SMYD1: variants seen among roughly 807,000 people sequenced by gnomAD.
SMYD1 encodes the protein histone-lysine N-methyltransferase SMYD1.
A neutral mutation model predicts 54.0 loss-of-function variants in SMYD1; 49 were observed. That is an observed-to-expected ratio of 0.91 (90% CI 0.72 to 1.15). The LOEUF is 1.15. Ranked by LOEUF, SMYD1 falls within the 50% of genes most tolerant of loss-of-function variation. SMYD1 has a pLI of 0.00. For synonymous variants in SMYD1, 269 were observed against 234.2 expected, an observed-to-expected ratio of 1.15 and a Z score of -1.36; for missense variants, 653 against 639.6, an observed-to-expected ratio of 1.02 and a Z score of -0.23.
Position 88,088,064 on chromosome 2 carries a change from A to G in SMYD1, c.517A>G (p.Ile173Val), listed in dbSNP as rs1674380945. Residue 173 changes from isoleucine to valine, a missense_variant, in exon 3 of 10, where the codon ATC (isoleucine) becomes GTC (valine). By Grantham distance (29) the Ile-to-Val change is conservative. Coordinates refer to ENST00000419482, the MANE Select transcript of SMYD1 (RefSeq NM_198274.4). The stretch of plus-strand genomic sequence containing the variant: ...GTTCAGCATGCAGTACATCTCGCAC[A>G]TCTTCGGAGTGGTAGGCCCCCTGCG... Reference protein sequence around the residue: ...QQFSMQYISHIFGVINCNGFT... With the variant: ...QQFSMQYISHVFGVINCNGFT... The G allele has an allele frequency of 1.2e-6, 2 of 1,613,158 alleles. No individual in the cohort carries two copies. Among genetic ancestry groups the G allele is most frequent in the African/African-American group, 2.7e-5 (2 of 74,906 alleles).
At chr2:88,102,128 C>T (rs1674735991) in intron 6 of SMYD1, among the ~76,000 whole-genome samples, 1 of 151,366 alleles carries the variant, frequency 6.6e-6, no homozygotes, top group African/African-American at 2.4e-5. Context: ...GTCAATTTTA[C>T]AGTCAGAATA....
At chr2:88,100,505 C>T (rs556962191) in intron 6 of SMYD1, among the ~76,000 whole-genome samples, 1 of 152,278 alleles carries the variant, frequency 6.6e-6, no homozygotes, top group East Asian at 1.9e-4. Flanking sequence ...ATACACTATA[C>T]ATGATTTTGT....
intron 6 of SMYD1, among the ~76,000 whole-genome samples, chr2:88,099,588 C>T (rs950099792): frequency 1.4e-4 from 22 of 151,846 alleles, no homozygotes; most frequent in African/African-American, 5.3e-4. Flanking sequence ...CCGGGCATGG[C>T]GGCCCATGCC....
Position 88,112,238 on chromosome 2 carries a change from C to A in SMYD1, c.*1726C>A. 1.5e-6 allele frequency: 1 copy of A among 682,026 alleles called. No individual in the cohort carries two copies. Among genetic ancestry groups the A allele is most frequent in the Non-Finnish European group, 2.7e-6 (1 of 371,216 alleles). 42.2% of individuals were successfully genotyped at this position (682,026 alleles called of 1,614,324 possible). A position where few individuals can be genotyped will look rare whatever the true frequency, so the allele number is the denominator to read the frequency against. On this transcript the variant is annotated 3_prime_UTR_variant, in exon 10 of 10. Transcript: ENST00000419482. ...TTCATATAAAATGTCTCCCCCAAAC[C>A]TTTTTCCCTTCTTTGTCATTGTTAT...
intron 6 of SMYD1, among the ~76,000 whole-genome samples, chr2:88,098,269 T>A (rs1015966254): frequency 7.2e-5 from 11 of 152,196 alleles, no homozygotes; most frequent in Non-Finnish European, 1.5e-4. Context: ...AAAACAACCA[T>A]GCGATCATTT....
In SMYD1 at chr2:88,088,033, C is replaced by A. The variant is rs1211756563; in HGVS notation, c.486C>A (p.Ser162Arg). 6.2e-7 allele frequency: 1 copy of A among 1,614,040 alleles called. No individual in the cohort carries two copies. Among genetic ancestry groups the A allele is most frequent in the Non-Finnish European group, 8.5e-7 (1 of 1,180,034 alleles). Residue 162 changes from serine to arginine, a missense_variant, in exon 3 of 10, where the codon AGC becomes AGA. By Grantham distance (110) the Ser-to-Arg change is moderately radical. Coordinates refer to ENST00000419482, the MANE Select transcript of SMYD1 (RefSeq NM_198274.4). ...DTFLQYWPPQ[S>R]QQFSMQYISH... is the part of the protein sequence containing the mutation. ...TCTTGCAGTACTGGCCGCCGCAGAG[C>A]CAGCAGTTCAGCATGCAGTACATCT...
chr2:88,073,305 C>T (rs1221840391), intron 1 of SMYD1, among the ~76,000 whole-genome samples: 1 of 152,126 alleles, frequency 6.6e-6, no homozygotes, highest in African/African-American at 2.4e-5. Context: ...TTATACAATC[C>T]ACCATTGATG....
At chr2:88,093,411 C>G in intron 4 of SMYD1, 106 bp from the exon 5 acceptor site, 1 of 1,349,422 alleles carries the variant, frequency 7.4e-7, no homozygotes, top group Non-Finnish European at 1.1e-6. Context: ...TTGTGATGGC[C>G]AAAGCTTTGA....
At chr2:88,078,068 A>G (rs532762474) in intron 1 of SMYD1, among the ~76,000 whole-genome samples, 3 of 152,124 alleles carry the variant, frequency 2.0e-5, no homozygotes, top group Admixed American at 6.5e-5. Context: ...TCCCCATACG[A>G]TGTTCTCCTG....
In SMYD1 at chr2:88,111,621, C is replaced by A. The variant is rs1439729646; in HGVS notation, c.*1109C>A. The A allele has an allele frequency of 6.4e-6, 1 of 157,056 alleles. No homozygotes were observed. The highest frequency in any genetic ancestry group is 2.4e-5 in the African/African-American group (1 of 41,558). The allele number at this position is 157,056 out of a possible 1,614,324, so 9.7% of individuals were successfully genotyped here. A position where few individuals can be genotyped will look rare whatever the true frequency, so the allele number is the denominator to read the frequency against. On this transcript the variant is annotated 3_prime_UTR_variant, in exon 10 of 10. Coordinates refer to ENST00000419482, the MANE Select transcript of SMYD1 (RefSeq NM_198274.4). ...CTTCTGCTCTTCTCACCAGAAAGAA[C>A]ATTTGAATCTGGATTCTTGTACACC... is the stretch of plus-strand genomic sequence containing the variant.
rs1675032976 is a variant in SMYD1 at position 88,111,930 on chromosome 2, C to T, written c.*1418C>T. ...GAAGTAAATTGATCCCACCAGGTCC[C>T]ACGTTTGTTATCTCTGCCTAAATGT... On this transcript the variant is annotated 3_prime_UTR_variant, in exon 10 of 10. Transcript: ENST00000419482. 3 of 641,698 alleles carry T rather than the reference C, an allele frequency of 4.7e-6. No individual in the cohort carries two copies. Among genetic ancestry groups the T allele is most frequent in the Non-Finnish European group, 8.5e-6 (3 of 353,080 alleles). The allele number at this position is 641,698 out of a possible 1,614,324, so 39.8% of individuals were successfully genotyped here.
Position 88,110,380 on chromosome 2 carries a change from G to C in SMYD1, c.1341G>C (p.Glu447Asp), listed in dbSNP as rs567345190. 6.2e-7 allele frequency: 1 copy of C among 1,612,964 alleles called. No homozygotes were observed. Among genetic ancestry groups the C allele is most frequent in the South Asian group, 1.1e-5 (1 of 90,612 alleles). ...CCATGCGGGTGCAGACGGAGATGGA[G>C]CTACGCATGTTCCGCCAGAACGAAT... Reference protein sequence around the residue: ...LEAMRVQTEMELRMFRQNEFM... With the variant: ...LEAMRVQTEMDLRMFRQNEFM... The change falls in exon 10 of 10, where the codon GAG becomes GAC. Residue 447 changes from glutamate to aspartate, a missense_variant. Coordinates refer to ENST00000419482, the MANE Select transcript of SMYD1 (RefSeq NM_198274.4).
chr2:88,100,864 C>T (rs1354941768), intron 6 of SMYD1, among the ~76,000 whole-genome samples: 1 of 152,160 alleles, frequency 6.6e-6, no homozygotes, highest in South Asian at 2.1e-4. Flanking sequence ...TGGGTGCATC[C>T]ATTGTCAGAG....
intron 1 of SMYD1, among the ~76,000 whole-genome samples, chr2:88,083,844 C>A (rs1395166733): frequency 6.6e-6 from 1 of 152,170 alleles, no homozygotes; most frequent in South Asian, 2.1e-4. Context: ...TGCCTGTAAT[C>A]CCAGCACTTT....
intron 6 of SMYD1, among the ~76,000 whole-genome samples, chr2:88,101,527 T>C (rs939813631): frequency 3.3e-5 from 5 of 152,236 alleles, no homozygotes; most frequent in African/African-American, 7.2e-5. Flanking sequence ...TGTGCACACG[T>C]AGGACTGAAA....
At chr2:88,085,903 G>A (rs1432713821) in intron 2 of SMYD1, among the ~76,000 whole-genome samples, 1 of 152,194 alleles carries the variant, frequency 6.6e-6, no homozygotes, top group East Asian at 1.9e-4. Context: ...GGTTGGTGAT[G>A]GTTGCACAGC....
chr2:88,079,752 C>T (rs1192209890), intron 1 of SMYD1, among the ~76,000 whole-genome samples: 4 of 152,070 alleles, frequency 2.6e-5, no homozygotes, highest in African/African-American at 4.8e-5. Flanking sequence ...ACCCAGGAGG[C>T]GGAGGTTGCA....
chr2:88,102,119 T>C (rs1674735672), intron 6 of SMYD1, among the ~76,000 whole-genome samples: 1 of 152,196 alleles, frequency 6.6e-6, no homozygotes, highest in African/African-American at 2.4e-5. Context: ...CTTGCATATG[T>C]CAATTTTACA....
At chr2:88,074,602 G>T (rs1316145106) in intron 1 of SMYD1, among the ~76,000 whole-genome samples, 1 of 152,176 alleles carries the variant, frequency 6.6e-6, no homozygotes, top group Non-Finnish European at 1.5e-5. Flanking sequence ...TTTCTAGATT[G>T]ATCCAATTCA....
Sources: gnomAD v4.1 joint callset for allele counts (sites outside exome capture counted in the v4.1 genomes callset) on GRCh38, gnomAD v4.1.1 for gene constraint, MANE v1.5 for transcripts, NCBI Gene and HGNC (gene_info 2026-07-23, HGNC 2026-07-21) for gene names.